The following ZNF273 variants were observed in gnomAD, a reference collection of about 807,000 sequenced individuals.
ZNF273 encodes zinc finger protein 9.
A neutral mutation model predicts 14.9 loss-of-function variants in ZNF273; 11 were observed. That is an observed-to-expected ratio of 0.74 (90% CI 0.46 to 1.22). The LOEUF is 1.22. Among genes scored for constraint, ZNF273 ranks in the 50% most tolerant of loss-of-function variants. The pLI, the probability that ZNF273 is intolerant of heterozygous loss-of-function variation, is 0.00. For missense variants in ZNF273, 577 were observed against 660.6 expected, an observed-to-expected ratio of 0.87 and a Z score of 1.39; for synonymous variants, 199 against 223.9, an observed-to-expected ratio of 0.89 and a Z score of 0.99.
downstream of ZNF273, among the ~76,000 whole-genome samples, chr7:64,890,550 G>A (rs1278489715): frequency 6.6e-6 from 1 of 152,176 alleles, no homozygotes; most frequent in Non-Finnish European, 1.5e-5. Flanking sequence ...CCTGCCCAGT[G>A]GGGATCTGAG....
Position 64,903,303 on chromosome 7 carries a change from C to G in ZNF273, c.-15C>G, listed in dbSNP as rs758389541. Reference sequence around the variant, plus strand: ...TCGCTGCAGTCGCAGCTCCAGGTCTCGTCTTCACTGCTCTATGTCCTCTGC... The same window carrying G: ...TCGCTGCAGTCGCAGCTCCAGGTCTGGTCTTCACTGCTCTATGTCCTCTGC... On this transcript the variant is annotated 5_prime_UTR_variant, in exon 1 of 4. Transcript: ENST00000476120. 4.4e-6 allele frequency: 7 copies of G among 1,600,958 alleles called. No individual in the cohort carries two copies. Among genetic ancestry groups the G allele is most frequent in the African/African-American group, 2.7e-5 (2 of 74,530 alleles).
chr7:64,923,954 T>C (rs983729490), intron 3 of ZNF273: 1 of 152,280 alleles, frequency 6.6e-6, no homozygotes, highest in Non-Finnish European at 1.5e-5. Flanking sequence ...TTATTGTCTC[T>C]TGAGATTCCA....
intron 3 of ZNF273, among the ~76,000 whole-genome samples, chr7:64,896,718 G>C (rs1366921399): frequency 6.6e-6 from 1 of 152,040 alleles, no homozygotes; most frequent in Non-Finnish European, 1.5e-5. Flanking sequence ...CAGCTCCAAG[G>C]ATGTAAATCT....
chr7:64,882,667 C>T (rs1791302107), downstream of ZNF273: 2 of 152,384 alleles, frequency 1.3e-5, no homozygotes, highest in East Asian at 3.8e-4. Context: ...CGATCTAGGA[C>T]AGGGCAGGGG....
downstream of ZNF273, chr7:64,893,327 T>G (rs1792151972): frequency 6.6e-6 from 1 of 152,188 alleles, no homozygotes; most frequent in African/African-American, 2.4e-5. Context: ...ATTTTTTCAC[T>G]GAACACAATC....
At chr7:64,887,339 C>T (rs1396510260) in intron 1 of ZNF273, among the ~76,000 whole-genome samples, 2 of 133,468 alleles carry the variant, frequency 1.5e-5, no homozygotes, top group East Asian at 4.2e-4. Flanking sequence ...CTCATCTGGC[C>T]TCATGATCAT....
At chr7:64,936,430 G>A in the ZNF273 span, among the ~76,000 whole-genome samples, 3 of 152,124 alleles carry the variant, frequency 2.0e-5, no homozygotes, top group Admixed American at 1.3e-4. Flanking sequence ...AATTTCCCCT[G>A]AGTGACTCAA....
intron 1 of ZNF273, among the ~76,000 whole-genome samples, chr7:64,887,127 G>T (rs563114616): frequency 3.9e-4 from 59 of 152,212 alleles, no homozygotes; most frequent in Non-Finnish European, 5.1e-4. Context: ...TTGGACTGAG[G>T]TCTCATGTGG....
downstream of ZNF273, among the ~76,000 whole-genome samples, chr7:64,883,219 C>A (rs1276343936): frequency 6.9e-6 from 1 of 145,386 alleles, no homozygotes; most frequent in Non-Finnish European, 1.5e-5. Flanking sequence ...TCACCACCCC[C>A]CCCTCACCAA....
chr7:64,904,308 T>G (rs1176917068), intron 1 of ZNF273, among the ~76,000 whole-genome samples: 2 of 152,220 alleles, frequency 1.3e-5, no homozygotes, highest in Non-Finnish European at 2.9e-5. Flanking sequence ...CAGCCTGGTC[T>G]CGAACTCCTG....
downstream of ZNF273, among the ~76,000 whole-genome samples, chr7:64,891,229 T>C (rs770134987): frequency 6.6e-6 from 1 of 152,240 alleles, no homozygotes; most frequent in East Asian, 1.9e-4. Flanking sequence ...TATCTCTCTG[T>C]AAGCTGTGGT....
chr7:64,896,062 C>G (rs1388657365), intron 3 of ZNF273, among the ~76,000 whole-genome samples: 3 of 151,106 alleles, frequency 2.0e-5, no homozygotes, highest in Non-Finnish European at 4.4e-5. Context: ...CAATAATTGC[C>G]TATATATGTT....
At chr7:64,880,826 A>G (rs1413085440), downstream of ZNF273, among the ~76,000 whole-genome samples, 2 of 152,150 alleles carry the variant, frequency 1.3e-5, no homozygotes, top group African/African-American at 4.8e-5. Flanking sequence ...ACCCAGGGCC[A>G]GACCCCAGCA....
chr7:64,936,666 C>T, the ZNF273 span, among the ~76,000 whole-genome samples: 1 of 152,114 alleles, frequency 6.6e-6, no homozygotes, highest in Non-Finnish European at 1.5e-5. Flanking sequence ...TTATAAAACA[C>T]ACTTGAATGA....
chr7:64,917,127 G>C (rs1269431164), intron 1 of ZNF273: 1 of 1,272,050 alleles, frequency 7.9e-7, no homozygotes, highest in Non-Finnish European at 1.0e-6. Context: ...TGGTGAGCTT[G>C]TTAAAAATTT....
upstream of ZNF273, among the ~76,000 whole-genome samples, chr7:64,903,022 C>G (rs1230116497): frequency 6.6e-6 from 1 of 152,184 alleles, no homozygotes; most frequent in African/African-American, 2.4e-5. Context: ...ACCTTATACA[C>G]AAGGTTAAAT....
chr7:64,880,763 G>C (rs1462098075), downstream of ZNF273, among the ~76,000 whole-genome samples: 1 of 152,114 alleles, frequency 6.6e-6, no homozygotes, highest in Non-Finnish European at 1.5e-5. Context: ...AAGCAGAGGA[G>C]CACACTACAC....
intron 1 of ZNF273, chr7:64,888,302 CG>C (rs1791731878): frequency 1.0e-6 from 1 of 985,356 alleles, no homozygotes; most frequent in African/African-American, 1.7e-5. Context: ...CTGTGAGCTC[CG>C]TGGCCTCGCA....
downstream of ZNF273, chr7:64,890,213 T>TGAGAGAGAGAGAGAGA (rs1164928002): frequency 9.7e-4 from 17 of 17,596 alleles, no homozygotes; most frequent in Non-Finnish European, 3.7e-3. Flanking sequence ...TGTGTGTGTG[T>TGAGAGAGAGAGAGAGA]GTGTGTGTGA....
Sources: gnomAD v4.1 joint callset for allele counts (sites outside exome capture counted in the v4.1 genomes callset) on GRCh38, gnomAD v4.1.1 for gene constraint, MANE v1.5 for transcripts, NCBI Gene and HGNC (gene_info 2026-07-23, HGNC 2026-07-21) for gene names.